Variants in NFIX observed in about 807,000 individuals in gnomAD.
NFIX encodes nuclear factor I X.
In NFIX, 2 loss-of-function variants were observed where a neutral mutation model predicts 53.3. The observed-to-expected ratio is 0.04, with a 90% CI of 0.02 to 0.12. The LOEUF is 0.12. Ranked by LOEUF, NFIX falls within the 10% of genes least tolerant of loss-of-function variation. NFIX has a pLI of 1.00. For synonymous variants in NFIX, 244 were observed against 289.0 expected (o/e 0.84, Z 1.58); for missense variants, 310 against 674.5 (o/e 0.46, Z 5.99).
rs1055855541 is a variant in NFIX, at chr19:13,093,808, G to C, written c.1495-827G>C. Among the ~76,000 whole-genome samples, 3 of 152,130 alleles carry C rather than the reference G, an allele frequency of 2.0e-5. No homozygotes were observed. Among genetic ancestry groups the C allele is most frequent in the Non-Finnish European group, 4.4e-5 (3 of 68,006 alleles). ...GGCCCAGTAGACCACAGTAGACCCT[G>C]ACCCACCACTTTGCCAGGAGGTGGG... On this transcript the variant is annotated intron_variant, in intron 10 of 10. Coordinates refer to ENST00000592199, the MANE Select transcript of NFIX (RefSeq NM_001365902.3). The surrounding 1 kb of genome is among the most constrained non-coding windows in gnomAD (Gnocchi z 4.7).
Position 13,094,617 on chromosome 19 carries a change from T to C in NFIX, c.1495-18T>C, listed in dbSNP as rs772923142. 228 of 1,535,976 alleles carry C rather than the reference T, an allele frequency of 1.5e-4. No homozygotes were observed. The highest frequency in any genetic ancestry group is 2.0e-4 in the Non-Finnish European group (224 of 1,146,810). ...CCCCAGCTGTTCTCAGTATCGCCTC[T>C]TTTTCATCCTGTTTCAGTCCTGGTT... On this transcript the variant is annotated intron_variant, in intron 10 of 10. Coordinates refer to ENST00000592199, the MANE Select transcript of NFIX (RefSeq NM_001365902.3). This position sits in a 1 kb window ranked among gnomAD's most constrained non-coding sequence, Gnocchi z 4.3.
Position 13,012,862 on chromosome 19 carries a change from C to T in NFIX, c.28-12159C>T, listed in dbSNP as rs2012439501. 6.6e-6 allele frequency among the ~76,000 whole-genome samples: 1 copy of T among 152,158 alleles called. No homozygotes were observed. The highest frequency in any genetic ancestry group is 1.5e-5 in the Non-Finnish European group (1 of 68,038). On this transcript the variant is annotated intron_variant, in intron 1 of 10. Transcript: ENST00000592199. The surrounding 1 kb of genome is among the most constrained non-coding windows in gnomAD (Gnocchi z 5.0). ...GACTACCCCGGTTTCCGAGGAGCCT[C>T]ACCTTCAATCCCCGAGCCTTCTCTT... is the stretch of plus-strand genomic sequence containing the variant.
At chr19:12,997,800 C>T (rs1407191492) in intron 1 of NFIX, among the ~76,000 whole-genome samples, 6 of 152,200 alleles carry the variant, frequency 3.9e-5, no homozygotes, top group East Asian at 1.9e-4. Context: ...GTGGATACGC[C>T]GGTGACATGG....
Position 13,089,600 on chromosome 19 carries a change from C to A in NFIX, c.1403-699C>A, listed in dbSNP as rs1208729726. On this transcript the variant is annotated intron_variant, in intron 9 of 10. Transcript: ENST00000592199. The surrounding 1 kb of genome is among the most constrained non-coding windows in gnomAD (Gnocchi z 4.8). ...GCCATAGGCCTGAGCCTTGCCACCC[C>A]CTGGGCCCAAGCCAGGCAGCCAGCT... 2.0e-5 allele frequency among the ~76,000 whole-genome samples: 3 copies of A among 152,232 alleles called. No individual in the cohort carries two copies. The highest frequency in any genetic ancestry group is 2.9e-5 in the Non-Finnish European group (2 of 68,020).
chr19:13,076,303 A>C (rs566242886), intron 6 of NFIX, among the ~76,000 whole-genome samples: 2 of 152,278 alleles, frequency 1.3e-5, no homozygotes, highest in Non-Finnish European at 2.9e-5. Flanking sequence ...GAAGCTAGCG[A>C]AGGGGAGAGA....
At position 13,049,927 on chromosome 19, in the gene NFIX, T is replaced by C. The variant is rs1034914997; in HGVS notation, c.560-23120T>C. On this transcript the variant is annotated intron_variant, in intron 2 of 10. Transcript: ENST00000592199. The surrounding 1 kb of genome is among the most constrained non-coding windows in gnomAD (Gnocchi z 4.5). ...TAAGGCCAAATAATATTTAATTGTA[T>C]GGCTGTGCCACATTTTGTTTATCCA... 2.6e-5 allele frequency among the ~76,000 whole-genome samples: 4 copies of C among 152,260 alleles called. No individual in the cohort carries two copies. Among genetic ancestry groups the C allele is most frequent in the Admixed American group, 6.5e-5 (1 of 15,286 alleles).
intron 2 of NFIX, among the ~76,000 whole-genome samples, chr19:13,065,361 C>T (rs2016336534): frequency 6.6e-6 from 1 of 152,202 alleles, no homozygotes; most frequent in African/African-American, 2.4e-5. Flanking sequence ...ATCTCTTCTG[C>T]TCTGATGGGA....
At chr19:13,017,114 G>A (rs2012710043) in intron 1 of NFIX, among the ~76,000 whole-genome samples, 1 of 152,142 alleles carries the variant, frequency 6.6e-6, no homozygotes, top group Non-Finnish European at 1.5e-5. Flanking sequence ...GGTCATAGAG[G>A]GAGACTTCCC....
At position 13,013,203 on chromosome 19, in the gene NFIX, T is replaced by G. The variant is rs1186951108; in HGVS notation, c.28-11818T>G. 6.6e-6 allele frequency among the ~76,000 whole-genome samples: 1 copy of G among 152,048 alleles called. No homozygotes were observed. The highest frequency in any genetic ancestry group is 1.5e-5 in the Non-Finnish European group (1 of 68,014). On this transcript the variant is annotated intron_variant, in intron 1 of 10. Transcript: ENST00000592199. The surrounding 1 kb of genome is among the most constrained non-coding windows in gnomAD (Gnocchi z 5.9). Reference sequence around the variant, plus strand: ...GTTGCTACCAGCCCTTTTGCAGCACTTCCTGGGCAGGCCAGGGGAGAGGAC... The same window carrying G: ...GTTGCTACCAGCCCTTTTGCAGCACGTCCTGGGCAGGCCAGGGGAGAGGAC...
Position 13,027,472 on chromosome 19 carries a change from A to G in NFIX, c.559+1920A>G, listed in dbSNP as rs748124899. ...GAGCCTCGAGCTTACCAGTGTGGCC[A>G]TCAGATACTCCTGCACAAGGGGATT... On this transcript the variant is annotated intron_variant, in intron 2 of 10. Coordinates refer to ENST00000592199, the MANE Select transcript of NFIX (RefSeq NM_001365902.3). This position sits in a 1 kb window ranked among gnomAD's most constrained non-coding sequence, Gnocchi z 4.3. Among the ~76,000 whole-genome samples the G allele has an allele frequency of 1.3e-5, 2 of 152,184 alleles. No individual in the cohort carries two copies. Among genetic ancestry groups the G allele is most frequent in the Non-Finnish European group, 2.9e-5 (2 of 68,036 alleles).
chr19:13,078,503 G>A lies in NFIX; in HGVS notation c.956-110G>A, dbSNP rs1668293908. ...AGGAGGGAGCACAGTGGAGGAAGGGGCAGTGGGGAGGGGCTGAGGAGAGAA... is the reference window on the plus strand; with the variant it reads ...AGGAGGGAGCACAGTGGAGGAAGGGACAGTGGGGAGGGGCTGAGGAGAGAA... On this transcript the variant is annotated intron_variant, in intron 6 of 10. Transcript: ENST00000592199. The surrounding 1 kb of genome is among the most constrained non-coding windows in gnomAD (Gnocchi z 4.7). 7.6e-7 allele frequency: 1 copy of A among 1,324,298 alleles called. No homozygotes were observed. The allele number at this position is 1,324,298 out of a possible 1,614,324, so 82.0% of individuals were successfully genotyped here.
At chr19:13,053,964 C>T (rs1370741579) in intron 2 of NFIX, among the ~76,000 whole-genome samples, 1 of 152,186 alleles carries the variant, frequency 6.6e-6, no homozygotes, top group African/African-American at 2.4e-5. Context: ...AAACAAAGGC[C>T]TCTTTGTGGT....
chr19:13,078,170 C>T lies in NFIX; in HGVS notation c.956-443C>T, dbSNP rs986738632. Among the ~76,000 whole-genome samples, 2 of 152,174 alleles carry T rather than the reference C, an allele frequency of 1.3e-5. No homozygotes were observed. The highest frequency in any genetic ancestry group is 2.9e-5 in the Non-Finnish European group (2 of 67,998). On this transcript the variant is annotated intron_variant, in intron 6 of 10. Coordinates refer to ENST00000592199, the MANE Select transcript of NFIX (RefSeq NM_001365902.3). This position sits in a 1 kb window ranked among gnomAD's most constrained non-coding sequence, Gnocchi z 4.7. Reference sequence around the variant, plus strand: ...TTCCCACCAGAACCTCCCATGGCCCCGGGCACCATGGCATAGACCCCAGCC... The same window carrying T: ...TTCCCACCAGAACCTCCCATGGCCCTGGGCACCATGGCATAGACCCCAGCC...
chr19:13,020,250 T>A (rs1267740200), intron 1 of NFIX, among the ~76,000 whole-genome samples: 1 of 152,180 alleles, frequency 6.6e-6, no homozygotes, highest in Non-Finnish European at 1.5e-5. Flanking sequence ...GGGGACAGTT[T>A]CCTTTTGTCT....
intron 2 of NFIX, among the ~76,000 whole-genome samples, chr19:13,041,638 T>C (rs1439272793): frequency 6.6e-6 from 1 of 151,688 alleles, no homozygotes; most frequent in East Asian, 2.0e-4. Flanking sequence ...CTACTAAAAA[T>C]ACAAAATTAG....
At position 13,027,736 on chromosome 19, in the gene NFIX, C is replaced by G. The variant is rs1053004247; in HGVS notation, c.559+2184C>G. Among the ~76,000 whole-genome samples the G allele has an allele frequency of 6.6e-6, 1 of 152,208 alleles. No homozygotes were observed. Among genetic ancestry groups the G allele is most frequent in the Non-Finnish European group, 1.5e-5 (1 of 68,038 alleles). ...TTTCCTGGCCAGAAGAAAGGCCCCA[C>G]CATGCCTCCCTGCCAGCTTAAGAGA... On this transcript the variant is annotated intron_variant, in intron 2 of 10. Transcript: ENST00000592199. The surrounding 1 kb of genome is among the most constrained non-coding windows in gnomAD (Gnocchi z 4.3).
rs2016392546 is a variant in NFIX, at chr19:13,066,208, G to C, written c.560-6839G>C. ...GAGCTGTGAGTCCTGTAGTAGCCAGGCCTGGCACTTGCTCCAGGGGCACCC... is the reference window on the plus strand; with the variant it reads ...GAGCTGTGAGTCCTGTAGTAGCCAGCCCTGGCACTTGCTCCAGGGGCACCC... On this transcript the variant is annotated intron_variant, in intron 2 of 10. Transcript: ENST00000592199. This position sits in a 1 kb window ranked among gnomAD's most constrained non-coding sequence, Gnocchi z 4.2. Among the ~76,000 whole-genome samples, 2 of 152,156 alleles carry C rather than the reference G, an allele frequency of 1.3e-5. No homozygotes were observed. The highest frequency in any genetic ancestry group is 4.8e-5 in the African/African-American group (2 of 41,418).
chr19:13,091,624 C>G (rs145176150), intron 10 of NFIX, among the ~76,000 whole-genome samples: 72 of 152,168 alleles, frequency 4.7e-4, no homozygotes, highest in African/African-American at 1.7e-3. Context: ...ACAATGGCTC[C>G]GAGCAGGGGC....
intron 1 of NFIX, among the ~76,000 whole-genome samples, chr19:13,016,183 G>A (rs2012656143): frequency 6.6e-6 from 1 of 151,914 alleles, no homozygotes; most frequent in South Asian, 2.1e-4. Context: ...CACTCTCAAA[G>A]GTAAAGAAAA....
Sources: allele counts gnomAD v4.1 joint callset (sites outside exome capture counted in the v4.1 genomes callset), GRCh38; gene constraint gnomAD v4.1.1; non-coding constraint Gnocchi (gnomAD v3.1); transcripts MANE v1.5; gene names NCBI Gene and HGNC (gene_info 2026-07-23, HGNC 2026-07-21).